Variants in KIAA0586 observed in about 807,000 individuals in gnomAD.
KIAA0586 encodes protein TALPID3.
Under a neutral mutation model 169.8 loss-of-function variants are expected in KIAA0586, and 144 were observed. The ratio of observed to expected loss-of-function variants is 0.85; its 90% confidence interval spans 0.74 to 0.97. The LOEUF is 0.97. Among genes scored for constraint, KIAA0586 ranks in the 50% least tolerant of loss-of-function variants. KIAA0586 has a pLI of 0.00. For missense variants in KIAA0586, 1,854 were observed against 1,823.0 expected, an observed-to-expected ratio of 1.02 and a Z score of -0.31; for synonymous variants, 625 against 612.4, an observed-to-expected ratio of 1.02 and a Z score of -0.30.
In KIAA0586 at chr14:58,427,803, C is replaced by T; in HGVS notation, c.-462C>T. ...GGTGAATTTATGTTTCCGACGATTG[C>T]ATCTGGAGGGGTGTGTAAGACTCTG... On this transcript the variant is annotated 5_prime_UTR_variant, in exon 1 of 31. Coordinates refer to ENST00000652326, the MANE Select transcript of KIAA0586 (RefSeq NM_001329943.3). 1 of 1,503,672 alleles carries T rather than the reference C, an allele frequency of 6.7e-7. No homozygotes were observed. The highest frequency in any genetic ancestry group is 8.8e-7 in the Non-Finnish European group (1 of 1,130,700). The allele number at this position is 1,503,672 out of a possible 1,614,324, so 93.1% of individuals were successfully genotyped here. A position where few individuals can be genotyped will look rare whatever the true frequency, so the allele number is the denominator to read the frequency against.
chr14:58,519,541 C>T (rs1379877664), intron 29 of KIAA0586, among the ~76,000 whole-genome samples: 1 of 152,196 alleles, frequency 6.6e-6, no homozygotes, highest in Admixed American at 6.5e-5. Context: ...GCTGATGCTC[C>T]TTTCCTTGTG....
At chr14:58,539,856 A>G (rs2046532778) in intron 29 of KIAA0586, 1 of 393,084 alleles carries the variant, frequency 2.5e-6, no homozygotes, top group African/African-American at 2.1e-5. Flanking sequence ...AAAGATAATA[A>G]TCCGTTAAAG....
At chr14:58,472,724 A>C (rs2041321894) in intron 18 of KIAA0586, among the ~76,000 whole-genome samples, 1 of 151,700 alleles carries the variant, frequency 6.6e-6, no homozygotes. Context: ...AGAAATAATG[A>C]AATAGAGGGA....
chr14:58,482,563 C>T lies in KIAA0586; in HGVS notation c.2995C>T (p.Pro999Ser), dbSNP rs748983278. The T allele has an allele frequency of 1.3e-6, 2 of 1,586,040 alleles. No individual in the cohort carries two copies. ...ALQLFVDAGV[P>S]VNSNVIKHFV... Reference sequence around the variant, plus strand: ...CCAGCTTTTTGTTGATGCTGGTGTTCCTGTGAACTCAAATGTGATTAAACA... The same window carrying T: ...CCAGCTTTTTGTTGATGCTGGTGTTTCTGTGAACTCAAATGTGATTAAACA... The change falls in exon 21 of 31, where the codon CCT (proline) becomes TCT (serine). Residue 999 changes from proline (P) to serine (S), a missense_variant. Transcript: ENST00000652326.
chr14:58,489,127 GT>G (rs1294333002), intron 24 of KIAA0586, among the ~76,000 whole-genome samples: 1 of 151,232 alleles, frequency 6.6e-6, no homozygotes, highest in Non-Finnish European at 1.5e-5. Context: ...AGTCTTTTTT[GT>G]CTATGCATAT....
intron 19 of KIAA0586, among the ~76,000 whole-genome samples, chr14:58,475,478 A>G (rs1422348442): frequency 6.7e-6 from 1 of 149,760 alleles, no homozygotes; most frequent in Admixed American, 6.6e-5. Context: ...ATACTAGGCC[A>G]TATAATACCT....
In KIAA0586 at chr14:58,547,934, C is replaced by T. The variant is rs376691503; in HGVS notation, c.*2C>T. On this transcript the variant is annotated 3_prime_UTR_variant, in exon 31 of 31. Transcript: ENST00000652326. ...TCTTCGGGGGCAGATACCTTCTGAA[C>T]GGGAAGAGACAGCCAGCACAGTGTT... is the stretch of plus-strand genomic sequence containing the variant. 72 of 1,613,134 alleles carry T rather than the reference C, an allele frequency of 4.5e-5. No individual in the cohort carries two copies. The African/African-American group carries it at 6.8e-4, about 15-fold the overall frequency.
In KIAA0586 at chr14:58,549,902, C is replaced by T. The variant is rs180872253; in HGVS notation, c.*1970C>T. On this transcript the variant is annotated 3_prime_UTR_variant, in exon 31 of 31. Transcript: ENST00000652326. ...TTTCCTCCTAACCATAGAAAGCCTG[C>T]CTTTTCTAACTTTAGGGTAGAAGTG... 6.6e-6 allele frequency: 1 copy of T among 152,180 alleles called. No individual in the cohort carries two copies. The highest frequency in any genetic ancestry group is 6.5e-5 in the Admixed American group (1 of 15,290). 9.4% of individuals were successfully genotyped at this position (152,180 alleles called of 1,614,324 possible).
chr14:58,538,954 A>G (rs1408551992), intron 29 of KIAA0586, among the ~76,000 whole-genome samples: 2 of 151,848 alleles, frequency 1.3e-5, no homozygotes, highest in African/African-American at 4.8e-5. Context: ...TACTTTTTGT[A>G]TTTTTTGTAG....
Position 58,457,961 on chromosome 14 carries a change from A to G in KIAA0586, c.1565A>G (p.Asn522Ser), listed in dbSNP as rs764472802. 8.8e-6 allele frequency: 14 copies of G among 1,592,272 alleles called. No homozygotes were observed. The East Asian group carries it at 1.8e-4, about 21-fold the overall frequency. The change falls in exon 11 of 31, where the codon AAT becomes AGT. Residue 522 changes from asparagine to serine, a missense_variant. Coordinates refer to ENST00000652326, the MANE Select transcript of KIAA0586 (RefSeq NM_001329943.3). ...KDGAAMYSLI[N>S]ALSTNREMSE... ...GGAGCTGCCATGTATTCGCTTATCAATGCTTTATCTACCAACAGGTAAGAG... is the reference window on the plus strand; with the variant it reads ...GGAGCTGCCATGTATTCGCTTATCAGTGCTTTATCTACCAACAGGTAAGAG...
chr14:58,515,113 A>G (rs190592214), intron 29 of KIAA0586, among the ~76,000 whole-genome samples: 2 of 152,076 alleles, frequency 1.3e-5, no homozygotes, highest in Non-Finnish European at 2.9e-5. Flanking sequence ...ATATACTACT[A>G]TCAGTCAATG....
intron 27 of KIAA0586, among the ~76,000 whole-genome samples, chr14:58,506,285 CA>C (rs1470800246): frequency 3.3e-5 from 5 of 151,954 alleles, no homozygotes; most frequent in Non-Finnish European, 7.4e-5. Flanking sequence ...GTATTATTAC[CA>C]TTATTTAAAT....
At chr14:58,461,861 A>G (rs1285587461) in intron 14 of KIAA0586, among the ~76,000 whole-genome samples, 1 of 152,186 alleles carries the variant, frequency 6.6e-6, no homozygotes, top group Admixed American at 6.5e-5. Flanking sequence ...AAACATCTTC[A>G]TGTATCACTG....
downstream of KIAA0586, among the ~76,000 whole-genome samples, chr14:58,552,065 G>C (rs139454898): frequency 3.3e-4 from 51 of 152,278 alleles, no homozygotes; most frequent in South Asian, 4.1e-4. Context: ...TTGGTCATAT[G>C]CCTCTCCTGG....
intron 27 of KIAA0586, among the ~76,000 whole-genome samples, chr14:58,504,924 G>C (rs1217680938): frequency 6.6e-6 from 1 of 152,074 alleles, no homozygotes; most frequent in African/African-American, 2.4e-5. Flanking sequence ...ACTTTATCTT[G>C]TGTACTCTCA....
chr14:58,560,309 T>G, the KIAA0586 span, among the ~76,000 whole-genome samples: 1 of 152,186 alleles, frequency 6.6e-6, no homozygotes, highest in Non-Finnish European at 1.5e-5. Flanking sequence ...AATGAATGAA[T>G]GCATATGCAC....
chr14:58,510,510 A>G (rs2044314805), intron 28 of KIAA0586, among the ~76,000 whole-genome samples: 1 of 152,228 alleles, frequency 6.6e-6, no homozygotes. Flanking sequence ...ATGTGGAGCA[A>G]CTGAACTCTC....
At chr14:58,465,651 A>C (rs139061629) in intron 14 of KIAA0586, among the ~76,000 whole-genome samples, 184 bp from the exon 15 acceptor site, 305 of 152,324 alleles carry the variant, frequency 2.0e-3, no homozygotes, top group Middle Eastern at 0.01. Flanking sequence ...TGCCAGACAA[A>C]TATTTACTGT....
At chr14:58,557,311 A>G in the KIAA0586 span, among the ~76,000 whole-genome samples, 5 of 152,190 alleles carry the variant, frequency 3.3e-5, no homozygotes, top group African/African-American at 4.8e-5. Context: ...TCCTCCTTAT[A>G]TAGAAGAGGG....
Sources: allele counts gnomAD v4.1 joint callset (sites outside exome capture counted in the v4.1 genomes callset), GRCh38; gene constraint gnomAD v4.1.1; transcripts MANE v1.5; gene names NCBI Gene and HGNC (gene_info 2026-07-23, HGNC 2026-07-21).